The following HOXA11 variants were observed in gnomAD, a reference collection of about 807,000 sequenced individuals.
HOXA11 encodes homeobox protein Hox-A11.
In HOXA11, 8 loss-of-function variants were observed where a neutral mutation model predicts 22.5. The ratio of observed to expected loss-of-function variants is 0.36; its 90% CI spans 0.21 to 0.64. The LOEUF (loss-of-function observed/expected upper bound fraction) is 0.64. Among genes scored for constraint, HOXA11 ranks in the 30% least tolerant of loss-of-function variants. The probability of loss-of-function intolerance (pLI) is 0.67; values close to 1 mark genes in which losing one functional copy is unlikely to be tolerated. For synonymous variants in HOXA11, 211 were observed against 188.4 expected (o/e 1.12, Z -0.98); for missense variants, 388 against 429.0 (o/e 0.90, Z 0.84).
rs771808620 is a variant in HOXA11, at chr7:27,184,617, G to A, written c.528C>T (p.Ser176=). ...CCGTTGCAGCCGCCGCCGCCGCCGC[G>A]GAGGTCGCCGTGGCCGCCGGGGGCC... ...EKGPPAATAT[S]AAAAAAATGA... Residue 176 remains serine (S), a synonymous_variant, in exon 1 of 2, where the codon TCC becomes TCT. Coordinates refer to ENST00000006015, the MANE Select transcript of HOXA11 (RefSeq NM_005523.6). 2.8e-5 allele frequency: 43 copies of A among 1,526,856 alleles called. No individual in the cohort carries two copies. The highest frequency in any genetic ancestry group is 2.0e-4 in the Middle Eastern group (1 of 5,108). 94.6% of individuals were successfully genotyped at this position (1,526,856 alleles called of 1,614,324 possible).
Position 27,183,017 on chromosome 7 carries a change from T to C in HOXA11, c.721A>G (p.Thr241Ala). 1 of 1,613,434 alleles carries C rather than the reference T, an allele frequency of 6.2e-7. No individual in the cohort carries two copies. Among genetic ancestry groups the C allele is most frequent in the Non-Finnish European group, 8.5e-7 (1 of 1,179,670 alleles). The change falls in exon 2 of 2, where the codon ACC becomes GCC. Residue 241 changes from threonine (T) to alanine (A), a missense_variant. Thr to Ala is a moderately conservative substitution (Grantham distance 58, BLOSUM62 0). Transcript: ENST00000006015. Reference protein sequence around the residue: ...DKAGGSSGQRTRKKRCPYTKY... With the variant: ...DKAGGSSGQRARKKRCPYTKY... ...GTATAGGGGCAGCGCTTTTTGCGGG[T>C]GCGTTGGCCACCTGTGGAGGGAGAA... is the stretch of plus-strand genomic sequence containing the variant.
intron 1 of HOXA11, 117 bp from the exon 2 acceptor site, chr7:27,183,145 C>T: frequency 1.4e-6 from 1 of 704,276 alleles, no homozygotes; most frequent in South Asian, 1.8e-5. Flanking sequence ...CAAGCCCCGT[C>T]AAAGTCTGCC....
In HOXA11 at chr7:27,182,401, CT is replaced by C; in HGVS notation, c.*394del. On this transcript the variant is annotated 3_prime_UTR_variant, in exon 2 of 2. Transcript: ENST00000006015. The stretch of plus-strand genomic sequence containing the variant: ...TGAACTGGGCTTGGAGAGCACACAG[CT>C]TTTTTACTCAGGGGTCCTGGGGGTG... 2.5e-6 allele frequency: 1 copy of C among 401,768 alleles called. No homozygotes were observed. 24.9% of individuals were successfully genotyped at this position (401,768 alleles called of 1,614,324 possible).
At chr7:27,184,410 G>T (rs1245399799) in intron 1 of HOXA11, 26 bp downstream of exon 1, 1 of 1,571,736 alleles carries the variant, frequency 6.4e-7, no homozygotes, top group East Asian at 2.3e-5. Flanking sequence ...CTTTCATAAA[G>T]CGCAGGGCGC....
intron 1 of HOXA11, among the ~76,000 whole-genome samples, chr7:27,183,617 C>G (rs1380956020): frequency 6.6e-6 from 1 of 152,166 alleles, no homozygotes; most frequent in African/African-American, 2.4e-5. Context: ...AGCCCCCTAC[C>G]CTAGGCCTTC....
In HOXA11 at chr7:27,182,665, C is replaced by A; in HGVS notation, c.*131G>T. 1 of 731,880 alleles carries A rather than the reference C, an allele frequency of 1.4e-6. No homozygotes were observed. Among genetic ancestry groups the A allele is most frequent in the Non-Finnish European group, 2.5e-6 (1 of 396,292 alleles). The allele number at this position is 731,880 out of a possible 1,614,324, so 45.3% of individuals were successfully genotyped here. A position where few individuals can be genotyped will look rare whatever the true frequency, so the allele number is the denominator to read the frequency against. ...GAGTCCCAGACCACCTCCTGTGGGG[C>A]TATCTCCATGCATCCCTCTCTTGCA... On this transcript the variant is annotated 3_prime_UTR_variant, in exon 2 of 2. Coordinates refer to ENST00000006015, the MANE Select transcript of HOXA11 (RefSeq NM_005523.6).
Position 27,185,210 on chromosome 7 carries a change from T to G in HOXA11, c.-66A>C, listed in dbSNP as rs779368021. 15 of 1,609,240 alleles carry G rather than the reference T, an allele frequency of 9.3e-6. No individual in the cohort carries two copies. In the Admixed American group the frequency reaches 2.0e-4, roughly 21 times the overall value. ...CATGATTCTCCACTGCAGCTGCCTC[T>G]TTGAAGCGGATCCGTGAAGTAGAAA... On this transcript the variant is annotated 5_prime_UTR_variant, in exon 1 of 2. Coordinates refer to ENST00000006015, the MANE Select transcript of HOXA11 (RefSeq NM_005523.6).
chr7:27,183,026 C>G lies in HOXA11; in HGVS notation c.712G>C (p.Gly238Arg), dbSNP rs149018886. 144 of 1,611,926 alleles carry G rather than the reference C, an allele frequency of 8.9e-5. No individual in the cohort carries two copies. The highest frequency in any genetic ancestry group is 1.2e-4 in the Non-Finnish European group (139 of 1,178,570). Residue 238 changes from glycine (G) to arginine (R), a missense_variant and splice_region_variant, in exon 2 of 2, where the codon GGC (glycine) becomes CGC (arginine). Gly to Arg is a moderately radical substitution (Grantham distance 125). Around this residue, in one of 4 missense-constraint regions of HOXA11, gnomAD observed 295 missense variants for 281.1 expected, o/e 1.05. Coordinates refer to ENST00000006015, the MANE Select transcript of HOXA11 (RefSeq NM_005523.6). ...HTEDKAGGSS[G>R]QRTRKKRCPY... ...CAGCGCTTTTTGCGGGTGCGTTGGC[C>G]ACCTGTGGAGGGAGAAAAGGCATGG...
chr7:27,182,572 T>C lies in HOXA11; in HGVS notation c.*224A>G, dbSNP rs1783788844. The C allele has an allele frequency of 1.7e-6, 1 of 593,854 alleles. No homozygotes were observed. Among genetic ancestry groups the C allele is most frequent in the Non-Finnish European group, 3.0e-6 (1 of 329,748 alleles). The allele number at this position is 593,854 out of a possible 1,614,324, so 36.8% of individuals were successfully genotyped here. On this transcript the variant is annotated 3_prime_UTR_variant, in exon 2 of 2. Transcript: ENST00000006015. ...ACCAGGGGTCCCAAACCTGTCATTC[T>C]AGCTGATGCACAGCTCTCAGAATCC...
rs976975849 is a variant in HOXA11, at chr7:27,184,802, A to G, written c.343T>C (p.Tyr115His). Residue 115 changes from tyrosine (Y) to histidine (H), a missense_variant, in exon 1 of 2, where the codon TAC becomes CAC. Coordinates refer to ENST00000006015, the MANE Select transcript of HOXA11 (RefSeq NM_005523.6). ...DVLAKSSANV[Y>H]HHPTPAVSSN... ...GAGACTGCGGGGGTGGGGTGGTGGT[A>G]GACGTTGGCCGAGCTCTTGGCCAGC... is the stretch of plus-strand genomic sequence containing the variant. 2 of 1,613,782 alleles carry G rather than the reference A, an allele frequency of 1.2e-6. No homozygotes were observed. The highest frequency in any genetic ancestry group is 2.2e-5 in the East Asian group (1 of 44,876).
rs771674623 is a variant in HOXA11, at chr7:27,184,850, C to T, written c.295G>A (p.Ala99Thr). 7.9e-5 allele frequency: 127 copies of T among 1,612,544 alleles called. 1 individual carries two copies. The East Asian group carries it at 2.7e-3, about 35-fold the overall frequency. The change falls in exon 1 of 2, where the codon GCG becomes ACG. Residue 99 changes from alanine to threonine, a missense_variant. Transcript: ENST00000006015. ...VHRDCLQAPSAAGVPGDVLAK... is the reference protein window; with the variant it reads ...VHRDCLQAPSTAGVPGDVLAK... Reference sequence around the variant, plus strand: ...AGCACGTCGCCAGGCACGCCGGCCGCGCTGGGCGCCTGCAGGCAGTCTCTG... The same window carrying T: ...AGCACGTCGCCAGGCACGCCGGCCGTGCTGGGCGCCTGCAGGCAGTCTCTG...
Position 27,182,107 on chromosome 7 carries a change from C to CG in HOXA11, c.*688_*689insC. Reference sequence around the variant, plus strand: ...CCTGAGTGGCAGGCTGGAACCAAGACCCTCATTTGGTAGAAAGAAAAGCCA... The same window carrying CG: ...CCTGAGTGGCAGGCTGGAACCAAGACGCCTCATTTGGTAGAAAGAAAAGCCA... On this transcript the variant is annotated 3_prime_UTR_variant, in exon 2 of 2. Coordinates refer to ENST00000006015, the MANE Select transcript of HOXA11 (RefSeq NM_005523.6). 3 of 236,910 alleles carry CG rather than the reference C, an allele frequency of 1.3e-5. No homozygotes were observed. Among genetic ancestry groups the CG allele is most frequent in the South Asian group, 3.4e-4 (2 of 5,814 alleles). The allele number at this position is 236,910 out of a possible 1,614,324, so 14.7% of individuals were successfully genotyped here.
rs114106977 is a variant in HOXA11 at position 27,184,956 on chromosome 7, T to G, written c.189A>C (p.Arg63Ser). Residue 63 changes from arginine (R) to serine (S), a missense_variant, in exon 1 of 2, where the codon AGA becomes AGC. Coordinates refer to ENST00000006015, the MANE Select transcript of HOXA11 (RefSeq NM_005523.6). The stretch of plus-strand genomic sequence containing the variant: ...TAGTGGCGGGCTCAATGGCGTACTC[T>G]CTGAAGGTCACTTCGCGCACGGGTT... ...QVQPVREVTFREYAIEPATKW... is the reference protein window; with the variant it reads ...QVQPVREVTFSEYAIEPATKW... The G allele has an allele frequency of 6.2e-7, 1 of 1,613,682 alleles. No homozygotes were observed. The highest frequency in any genetic ancestry group is 1.7e-5 in the Admixed American group (1 of 60,006).
chr7:27,182,467 C>T lies in HOXA11; in HGVS notation c.*329G>A, dbSNP rs1783786542. On this transcript the variant is annotated 3_prime_UTR_variant, in exon 2 of 2. Coordinates refer to ENST00000006015, the MANE Select transcript of HOXA11 (RefSeq NM_005523.6). Reference sequence around the variant, plus strand: ...AGAGGGAGGGTGTGGTGGGGTTAGTCTCCAGGGGGTCTGGCAGGGGCCCAA... The same window carrying T: ...AGAGGGAGGGTGTGGTGGGGTTAGTTTCCAGGGGGTCTGGCAGGGGCCCAA... The T allele has an allele frequency of 2.2e-6, 1 of 462,488 alleles. No individual in the cohort carries two copies. The highest frequency in any genetic ancestry group is 1.9e-5 in the African/African-American group (1 of 51,578). The allele number at this position is 462,488 out of a possible 1,614,324, so 28.6% of individuals were successfully genotyped here. A position where few individuals can be genotyped will look rare whatever the true frequency, so the allele number is the denominator to read the frequency against.
chr7:27,182,603 T>G lies in HOXA11; in HGVS notation c.*193A>C, dbSNP rs929217038. On this transcript the variant is annotated 3_prime_UTR_variant, in exon 2 of 2. Transcript: ENST00000006015. Reference sequence around the variant, plus strand: ...ATGCACAGCTCTCAGAATCCAATGATTATTAGGAATCTTAACCACTGAGAT... The same window carrying G: ...ATGCACAGCTCTCAGAATCCAATGAGTATTAGGAATCTTAACCACTGAGAT... 1 of 643,360 alleles carries G rather than the reference T, an allele frequency of 1.6e-6. No individual in the cohort carries two copies. The highest frequency in any genetic ancestry group is 2.8e-5 in the East Asian group (1 of 35,928). 39.9% of individuals were successfully genotyped at this position (643,360 alleles called of 1,614,324 possible). A position where few individuals can be genotyped will look rare whatever the true frequency, so the allele number is the denominator to read the frequency against.
In HOXA11 at chr7:27,184,743, G is replaced by A; in HGVS notation, c.402C>T (p.Gly134=). The change falls in exon 1 of 2, where the codon GGC becomes GGT. Residue 134 remains glycine (G), a synonymous_variant. Coordinates refer to ENST00000006015, the MANE Select transcript of HOXA11 (RefSeq NM_005523.6). ...SNFYSTVGRN[G]VLPQAFDQFF... ...ACTGGTCGAAAGCCTGTGGCAGGAC[G>A]CCGTTCCTGCCCACGGTGCTATAGA... 6.2e-7 allele frequency: 1 copy of A among 1,613,796 alleles called. No individual in the cohort carries two copies.
chr7:27,184,599 A>AGCCGCC lies in HOXA11; in HGVS notation c.540_545dup (p.Ala182_Ala183dup), dbSNP rs770195077. ...TTGAAGTTGCCGGCGCGCCCGTTGC[A>AGCCGCC]GCCGCCGCCGCCGCCGCGGAGGTCG... is the stretch of plus-strand genomic sequence containing the variant. On this transcript the variant is annotated inframe_insertion, in exon 1 of 2. Coordinates refer to ENST00000006015, the MANE Select transcript of HOXA11 (RefSeq NM_005523.6). The AGCCGCC allele has an allele frequency of 4.4e-5, 66 of 1,498,562 alleles. 1 individual carries two copies. The East Asian group carries it at 5.2e-4, about 12-fold the overall frequency. 92.8% of individuals were successfully genotyped at this position (1,498,562 alleles called of 1,614,324 possible).
rs994228907 is a variant in HOXA11 at position 27,182,444 on chromosome 7, A to C, written c.*352T>G. Reference sequence around the variant, plus strand: ...CTGGGGGTGGGTAGGCTCCCAGTAGAGGGAGGGTGTGGTGGGGTTAGTCTC... The same window carrying C: ...CTGGGGGTGGGTAGGCTCCCAGTAGCGGGAGGGTGTGGTGGGGTTAGTCTC... On this transcript the variant is annotated 3_prime_UTR_variant, in exon 2 of 2. Transcript: ENST00000006015. The C allele has an allele frequency of 4.9e-6, 2 of 410,080 alleles. No homozygotes were observed. Among genetic ancestry groups the C allele is most frequent in the African/African-American group, 4.1e-5 (2 of 49,098 alleles). The allele number at this position is 410,080 out of a possible 1,614,324, so 25.4% of individuals were successfully genotyped here.
In HOXA11 at chr7:27,184,551, G is replaced by A; in HGVS notation, c.594C>T (p.Gly198=). 3 of 1,493,818 alleles carry A rather than the reference G, an allele frequency of 2.0e-6. No homozygotes were observed. Among genetic ancestry groups the A allele is most frequent in the Non-Finnish European group, 1.8e-6 (2 of 1,118,436 alleles). 92.5% of individuals were successfully genotyped at this position (1,493,818 alleles called of 1,614,324 possible). ...ATSSSDSGGG[G]GCRETAAAAE... is the part of the protein sequence containing the mutation. Reference sequence around the variant, plus strand: ...CTGCCGCCGCCGTCTCCCGGCAGCCGCCGCCGCCGCCGCTGTCCGAACTTG... The same window carrying A: ...CTGCCGCCGCCGTCTCCCGGCAGCCACCGCCGCCGCCGCTGTCCGAACTTG... Residue 198 remains glycine (G), a synonymous_variant, in exon 1 of 2, where the codon GGC becomes GGT. Transcript: ENST00000006015.
Sources: gnomAD v4.1 joint callset for allele counts (sites outside exome capture counted in the v4.1 genomes callset) on GRCh38, gnomAD v4.1.1 for gene constraint, gnomAD v4.1.1 regional missense constraint, MANE v1.5 for transcripts, NCBI Gene and HGNC (gene_info 2026-07-23, HGNC 2026-07-21) for gene names.